Variants in UTRN observed in about 807,000 individuals in gnomAD.
UTRN encodes dystrophin-related protein 1.
Under a neutral mutation model 463.9 loss-of-function variants are expected in UTRN, and 283 were observed. The ratio of observed to expected loss-of-function variants is 0.61; its 90% confidence interval spans 0.55 to 0.67. The LOEUF (loss-of-function observed/expected upper bound fraction) is 0.67, where lower values mean the gene tolerates loss of function less well. UTRN is among the 30% of genes least tolerant of loss of function. UTRN has a pLI of 0.00. For missense variants in UTRN, 3,922 were observed against 4,084.3 expected (o/e 0.96, Z 1.08); for synonymous variants, 1,442 against 1,431.5 (o/e 1.01, Z -0.17).
At chr6:144,346,255 T>C (rs1375299329) in intron 2 of UTRN, among the ~76,000 whole-genome samples, 2 of 152,166 alleles carry the variant, frequency 1.3e-5, no homozygotes, top group Non-Finnish European at 2.9e-5. Context: ...AATGCTGTGC[T>C]GGTTGAGTTC....
At chr6:144,375,841 A>AG (rs1473872554) in intron 2 of UTRN, among the ~76,000 whole-genome samples, 1 of 152,100 alleles carries the variant, frequency 6.6e-6, no homozygotes, top group Non-Finnish European at 1.5e-5. Flanking sequence ...TCTTTGTTTC[A>AG]GGGCACCACT....
intron 51 of UTRN, among the ~76,000 whole-genome samples, chr6:144,635,858 T>TA (rs1221607957): frequency 6.6e-6 from 1 of 151,954 alleles, no homozygotes; most frequent in Non-Finnish European, 1.5e-5. Context: ...CTGCTGCCTT[T>TA]AAAAAAAATT....
At chr6:144,352,864 G>A (rs76622450) in intron 2 of UTRN, among the ~76,000 whole-genome samples, 9,798 of 152,206 alleles carry the variant, frequency 0.064, 1,053 homozygotes, top group African/African-American at 0.22. Flanking sequence ...ATCATATTGG[G>A]TTTGTGTTAG....
intron 2 of UTRN, among the ~76,000 whole-genome samples, chr6:144,331,366 A>G (rs979652376): frequency 6.6e-6 from 1 of 152,302 alleles, no homozygotes; most frequent in Admixed American, 6.5e-5. Context: ...TTTGTTGAAT[A>G]TGAATGGATT....
chr6:144,698,564 G>T (rs1168008330), intron 52 of UTRN, among the ~76,000 whole-genome samples: 1 of 152,166 alleles, frequency 6.6e-6, no homozygotes, highest in Non-Finnish European at 1.5e-5. Flanking sequence ...GCATAAGCCC[G>T]CATTCACAGT....
At chr6:144,537,281 C>G (rs970065377) in intron 43 of UTRN, among the ~76,000 whole-genome samples, 1 of 151,894 alleles carries the variant, frequency 6.6e-6, no homozygotes, top group Admixed American at 6.6e-5. Context: ...GGAGTGGTAT[C>G]TAACTGTAAA....
chr6:144,505,907 T>C (rs977577321), intron 34 of UTRN, among the ~76,000 whole-genome samples: 5 of 152,330 alleles, frequency 3.3e-5, no homozygotes, highest in African/African-American at 1.2e-4. Context: ...TGTAGGTCTC[T>C]AAGAACTTGC....
chr6:144,601,019 G>A (rs375571805), intron 51 of UTRN, among the ~76,000 whole-genome samples: 1 of 152,156 alleles, frequency 6.6e-6, no homozygotes, highest in African/African-American at 2.4e-5. Flanking sequence ...CAGCACACCT[G>A]TTTGCAGCAT....
At chr6:144,653,585 TAAAA>T (rs77314155) in intron 51 of UTRN, among the ~76,000 whole-genome samples, 10 of 135,112 alleles carry the variant, frequency 7.4e-5, no homozygotes, top group African/African-American at 2.4e-4. Flanking sequence ...GACTCCATCT[TAAAA>T]AAAAAAAAAA....
intron 2 of UTRN, among the ~76,000 whole-genome samples, chr6:144,317,541 C>T (rs183030583): frequency 4.5e-4 from 68 of 152,198 alleles, no homozygotes; most frequent in Admixed American, 9.8e-4. Flanking sequence ...GGATTACAGG[C>T]ACCCACCACC....
intron 52 of UTRN, among the ~76,000 whole-genome samples, chr6:144,680,946 G>GT (rs1205468866): frequency 6.6e-6 from 1 of 152,216 alleles, no homozygotes; most frequent in Non-Finnish European, 1.5e-5. Context: ...GCACACCTAT[G>GT]TGTAACCAAG....
chr6:144,733,372 C>T (rs1788980129), intron 54 of UTRN, among the ~76,000 whole-genome samples: 1 of 151,980 alleles, frequency 6.6e-6, no homozygotes, highest in South Asian at 2.1e-4. Flanking sequence ...AAAAAATTAG[C>T]CAGGTGTGGT....
chr6:144,475,356 A>C (rs1791082556), intron 25 of UTRN, among the ~76,000 whole-genome samples: 1 of 152,194 alleles, frequency 6.6e-6, no homozygotes, highest in Admixed American at 6.5e-5. Flanking sequence ...CAGGCTTTAA[A>C]ACTCTGTGGT....
intron 9 of UTRN, among the ~76,000 whole-genome samples, chr6:144,433,904 G>C (rs1262412619): frequency 6.6e-6 from 1 of 150,646 alleles, no homozygotes; most frequent in East Asian, 2.0e-4. Context: ...GACGATGGGC[G>C]GCCAGGCAGA....
At chr6:144,702,199 T>C (rs1784669286) in intron 53 of UTRN, among the ~76,000 whole-genome samples, 1 of 152,294 alleles carries the variant, frequency 6.6e-6, no homozygotes, top group Non-Finnish European at 1.5e-5. Flanking sequence ...ATTTTCCTCT[T>C]CTGGCCTTAG....
chr6:144,514,601 T>A, intron 36 of UTRN, 49 bp from the exon 37 acceptor site: 1 of 1,582,604 alleles, frequency 6.3e-7, no homozygotes, highest in Non-Finnish European at 8.6e-7. Context: ...ACACTCATGT[T>A]TGGGTTTGAT....
chr6:144,470,735 AC>A (rs1328985823), intron 23 of UTRN, among the ~76,000 whole-genome samples: 3 of 152,020 alleles, frequency 2.0e-5, no homozygotes, highest in Non-Finnish European at 4.4e-5. Flanking sequence ...AGCCTGGGCA[AC>A]ATTGAGCACT....
intron 39 of UTRN, among the ~76,000 whole-genome samples, chr6:144,518,268 G>A (rs867981707): frequency 2.6e-5 from 4 of 152,098 alleles, no homozygotes; most frequent in Admixed American, 6.6e-5. Context: ...GGCTGATCAT[G>A]TCATTCCTTC....
intron 28 of UTRN, among the ~76,000 whole-genome samples, chr6:144,486,958 T>C (rs1214965202): frequency 1.3e-5 from 2 of 152,334 alleles, no homozygotes; most frequent in East Asian, 1.9e-4. Flanking sequence ...TTAGCCCATA[T>C]GGTTAATTAG....
Sources: allele counts gnomAD v4.1 joint callset (sites outside exome capture counted in the v4.1 genomes callset), GRCh38; gene constraint gnomAD v4.1.1; transcripts MANE v1.5; gene names NCBI Gene and HGNC (gene_info 2026-07-23, HGNC 2026-07-21).